Variants in STAU2 observed in about 807,000 individuals in gnomAD.
The protein encoded by STAU2 is double-stranded RNA-binding protein Staufen homolog 2.
STAU2 carries 20 observed loss-of-function variants against 65.9 expected under a neutral mutation model. That is an observed-to-expected ratio of 0.30 (90% CI 0.21 to 0.44). The LOEUF (loss-of-function observed/expected upper bound fraction) is 0.44. Ranked by LOEUF, STAU2 falls within the 20% of genes least tolerant of loss-of-function variation. STAU2 has a pLI of 1.00. For synonymous variants in STAU2, 232 were observed against 233.9 expected, an observed-to-expected ratio of 0.99 and a Z score of 0.07; for missense variants, 558 against 683.9, an observed-to-expected ratio of 0.82 and a Z score of 2.05.
intron 4 of STAU2, among the ~76,000 whole-genome samples, chr8:73,691,092 A>G (rs558960992): frequency 2.0e-5 from 3 of 152,294 alleles, no homozygotes; most frequent in South Asian, 4.1e-4. Flanking sequence ...GCATCAGGAA[A>G]GCATATTAAA....
At chr8:73,566,338 A>G (rs1808609002) in intron 12 of STAU2, among the ~76,000 whole-genome samples, 1 of 152,248 alleles carries the variant, frequency 6.6e-6, no homozygotes, top group Non-Finnish European at 1.5e-5. Flanking sequence ...CACTGATGTA[A>G]TAATAGTTAA....
At chr8:73,640,977 A>G (rs181852513) in intron 6 of STAU2, among the ~76,000 whole-genome samples, 140 of 152,326 alleles carry the variant, frequency 9.2e-4, no homozygotes, top group Admixed American at 3.1e-3. Flanking sequence ...AAAAAACAGA[A>G]AAGTGTTGTT....
intron 12 of STAU2, among the ~76,000 whole-genome samples, chr8:73,573,699 A>C (rs1809288338): frequency 6.6e-6 from 1 of 152,252 alleles, no homozygotes; most frequent in Non-Finnish European, 1.5e-5. Flanking sequence ...GGCTAGCCAT[A>C]TGTAGAAAGC....
intron 13 of STAU2, among the ~76,000 whole-genome samples, chr8:73,438,030 T>C (rs1360707537): frequency 6.6e-6 from 1 of 152,204 alleles, no homozygotes; most frequent in African/African-American, 2.4e-5. Context: ...CTAGTCCCTC[T>C]GGCCATCCCT....
chr8:73,597,085 C>T (rs1404570622), intron 10 of STAU2, among the ~76,000 whole-genome samples: 3 of 151,932 alleles, frequency 2.0e-5, no homozygotes, highest in Non-Finnish European at 4.4e-5. Flanking sequence ...AAGTCCCAAA[C>T]ATATCAGCAA....
intron 1 of STAU2, among the ~76,000 whole-genome samples, chr8:73,745,949 C>T: frequency 6.6e-6 from 1 of 151,768 alleles, no homozygotes; most frequent in East Asian, 1.9e-4. Flanking sequence ...CAAGCCACAG[C>T]CCCCGGCTCG....
At chr8:73,576,226 T>C (rs1310082507) in intron 12 of STAU2, among the ~76,000 whole-genome samples, 3 of 152,116 alleles carry the variant, frequency 2.0e-5, no homozygotes, top group Non-Finnish European at 4.4e-5. Context: ...CACAAAATCC[T>C]GAAAATATCC....
At chr8:73,671,063 C>A (rs1390749542) in intron 6 of STAU2, among the ~76,000 whole-genome samples, 1 of 151,680 alleles carries the variant, frequency 6.6e-6, no homozygotes, top group Non-Finnish European at 1.5e-5. Context: ...ATAGACAAAT[C>A]AAAAAGGATA....
intron 12 of STAU2, among the ~76,000 whole-genome samples, chr8:73,569,458 T>C (rs113547634): frequency 6.6e-6 from 1 of 150,758 alleles, no homozygotes; most frequent in Non-Finnish European, 1.5e-5. Flanking sequence ...TTGAAGAGAG[T>C]AGTGGTTCTC....
At position 73,595,245 on chromosome 8, in the gene STAU2, G is replaced by A; in HGVS notation, c.1082C>T (p.Ala361Val). The change falls in exon 11 of 15, where the codon GCC becomes GTC. Residue 361 changes from alanine (A) to valine (V), a missense_variant. Physicochemically the swap from Ala to Val is moderately conservative, Grantham distance 64 (BLOSUM62 0). Coordinates refer to ENST00000524300, the MANE Select transcript of STAU2 (RefSeq NM_001164380.2). The stretch of plus-strand genomic sequence containing the variant: ...CATTGCTTCTGCAGCATTTTTTTTG[G>A]CTATCTTTTTATTAGGTCCTGTTCC... ...ATGTGPNKKI[A>V]KKNAAEAMLL... The A allele has an allele frequency of 9.3e-6, 15 of 1,611,266 alleles. No individual in the cohort carries two copies. Among genetic ancestry groups the A allele is most frequent in the Non-Finnish European group, 1.3e-5 (15 of 1,178,868 alleles).
intron 1 of STAU2, among the ~76,000 whole-genome samples, chr8:73,744,980 AT>A (rs1807171866): frequency 6.6e-6 from 1 of 152,236 alleles, no homozygotes; most frequent in African/African-American, 2.4e-5. Context: ...ACACAGCAAC[AT>A]TCTTACAAAT....
chr8:73,718,011 A>G (rs1037889056), intron 3 of STAU2, among the ~76,000 whole-genome samples: 5 of 152,240 alleles, frequency 3.3e-5, no homozygotes, highest in African/African-American at 7.2e-5. Context: ...AAAAGGATAC[A>G]CAGTCACTTC....
intron 6 of STAU2, among the ~76,000 whole-genome samples, chr8:73,641,766 C>T (rs932085259): frequency 6.6e-6 from 1 of 152,176 alleles, no homozygotes; most frequent in Non-Finnish European, 1.5e-5. Flanking sequence ...TCCAAAAAAA[C>T]CTAAAATTTC....
intron 13 of STAU2, among the ~76,000 whole-genome samples, chr8:73,470,625 C>T (rs1819938115): frequency 6.6e-6 from 1 of 152,054 alleles, no homozygotes; most frequent in Admixed American, 6.6e-5. Flanking sequence ...CAGCGAGATC[C>T]TGTCTCTACA....
chr8:73,485,054 C>T (rs1053402012), intron 13 of STAU2, among the ~76,000 whole-genome samples: 3 of 149,700 alleles, frequency 2.0e-5, no homozygotes, highest in African/African-American at 7.4e-5. Context: ...TGTTTGGATT[C>T]TATGATGCAT....
intron 11 of STAU2, among the ~76,000 whole-genome samples, chr8:73,592,392 G>A (rs1275955803): frequency 6.6e-6 from 1 of 152,016 alleles, no homozygotes; most frequent in African/African-American, 2.4e-5. Context: ...CAACAACTTA[G>A]ATGAAATCAA....
At chr8:73,667,140 T>G (rs973833480) in intron 6 of STAU2, among the ~76,000 whole-genome samples, 1 of 152,162 alleles carries the variant, frequency 6.6e-6, no homozygotes, top group Non-Finnish European at 1.5e-5. Context: ...CTTCTAAATA[T>G]CTATAGACAC....
chr8:73,722,276 G>C (rs574435364), intron 3 of STAU2, among the ~76,000 whole-genome samples: 1 of 152,192 alleles, frequency 6.6e-6, no homozygotes, highest in South Asian at 2.1e-4. Flanking sequence ...GCTTTAAGCA[G>C]TCACTTATCT....
At chr8:73,532,535 G>C (rs929718822) in intron 13 of STAU2, among the ~76,000 whole-genome samples, 12 of 152,100 alleles carry the variant, frequency 7.9e-5, no homozygotes, top group African/African-American at 2.9e-4. Context: ...AAAAAAATTA[G>C]ACAGGTGTGG....
Sources: allele counts gnomAD v4.1 joint callset (sites outside exome capture counted in the v4.1 genomes callset), GRCh38; gene constraint gnomAD v4.1.1; transcripts MANE v1.5; gene names NCBI Gene and HGNC (gene_info 2026-07-23, HGNC 2026-07-21).